The following PLXNA4 variants were observed in gnomAD, a reference collection of about 807,000 sequenced individuals.
PLXNA4 encodes the protein plexin A4, also known as plexin-A4.
PLXNA4 carries 44 observed loss-of-function variants against 191.8 expected under a neutral mutation model. That is an observed-to-expected ratio of 0.23 (90% CI 0.18 to 0.29). The LOEUF (loss-of-function observed/expected upper bound fraction) is 0.29, where lower values mean the gene tolerates loss of function less well. Ranked by LOEUF, PLXNA4 falls within the 10% of genes least tolerant of loss-of-function variation. PLXNA4 has a pLI of 1.00. For missense variants in PLXNA4, 1,800 were observed against 2,488.8 expected, an observed-to-expected ratio of 0.72 and a Z score of 5.89; for synonymous variants, 1,082 against 1,009.5, an observed-to-expected ratio of 1.07 and a Z score of -1.36.
intron 3 of PLXNA4, among the ~76,000 whole-genome samples, chr7:132,360,153 T>C (rs945181695): frequency 6.6e-6 from 1 of 152,194 alleles, no homozygotes; most frequent in Non-Finnish European, 1.5e-5. Context: ...CCGGGACCAT[T>C]GCTATGTACC....
chr7:132,199,736 G>C (rs1797371077), intron 12 of PLXNA4, among the ~76,000 whole-genome samples: 2 of 152,214 alleles, frequency 1.3e-5, no homozygotes, highest in Admixed American at 1.3e-4. Context: ...TGAAAGATGG[G>C]GGAAGCAGAA....
intron 3 of PLXNA4, among the ~76,000 whole-genome samples, chr7:132,412,343 C>T (rs752694280): frequency 6.6e-6 from 1 of 152,220 alleles, no homozygotes; most frequent in African/African-American, 2.4e-5. Flanking sequence ...TCCAAGCATG[C>T]TTCCCATGCT....
intron 4 of PLXNA4, among the ~76,000 whole-genome samples, chr7:132,243,615 G>A (rs572010331): frequency 6.3e-4 from 96 of 152,238 alleles, no homozygotes; most frequent in Middle Eastern, 6.8e-3. Flanking sequence ...GAATGCAAGA[G>A]CCCTCAGAGC....
chr7:132,623,587 A>T (rs1585412237), intron 2 of PLXNA4, among the ~76,000 whole-genome samples: 1 of 152,306 alleles, frequency 6.6e-6, no homozygotes, highest in East Asian at 1.9e-4. Context: ...GTTTTCAAAC[A>T]ATCAAATAAA....
In PLXNA4 at chr7:132,294,368, C is replaced by T. The variant is rs373894672; in HGVS notation, c.1503+3723G>A. On this transcript the variant is annotated intron_variant, in intron 4 of 31. Coordinates refer to ENST00000321063, the MANE Select transcript of PLXNA4 (RefSeq NM_020911.2). Reference sequence around the variant, plus strand: ...CTGCAGACTAGGGGAGCAGGGAGAGCGGGGAGAGCGGCAGGTGATGAGCTT... The same window carrying T: ...CTGCAGACTAGGGGAGCAGGGAGAGTGGGGAGAGCGGCAGGTGATGAGCTT... Among the ~76,000 whole-genome samples, 530 of 152,276 alleles carry T rather than the reference C, an allele frequency of 3.5e-3. 2 individuals are homozygous for T. The highest frequency in any genetic ancestry group is 4.9e-3 in the Non-Finnish European group (331 of 68,018).
intron 4 of PLXNA4, among the ~76,000 whole-genome samples, chr7:132,294,360 A>G (rs28680174): frequency 0.3 from 45,736 of 152,168 alleles, 7,052 homozygotes; most frequent in Admixed American, 0.42. Flanking sequence ...CTAGGGGAGC[A>G]GGGAGAGCGG....
At chr7:132,330,395 T>C (rs1802543963) in intron 3 of PLXNA4, among the ~76,000 whole-genome samples, 1 of 152,082 alleles carries the variant, frequency 6.6e-6, no homozygotes, top group Non-Finnish European at 1.5e-5. Flanking sequence ...TTTCCAGTAA[T>C]CACTGAGTAA....
intron 3 of PLXNA4, among the ~76,000 whole-genome samples, chr7:132,299,372 G>A (rs144140536): frequency 1.3e-5 from 2 of 152,234 alleles, no homozygotes; most frequent in East Asian, 1.9e-4. Context: ...GAATAAAAGA[G>A]TCATTCTGAG....
intron 3 of PLXNA4, among the ~76,000 whole-genome samples, chr7:132,426,206 T>C (rs1327392337): frequency 6.6e-6 from 1 of 152,178 alleles, no homozygotes; most frequent in Admixed American, 6.5e-5. Context: ...GCACAGGGCC[T>C]CCATCATCCT....
At chr7:132,494,058 G>A (rs1221187234) in intron 2 of PLXNA4, among the ~76,000 whole-genome samples, 4 of 152,170 alleles carry the variant, frequency 2.6e-5, no homozygotes, top group African/African-American at 7.2e-5. Flanking sequence ...CTATGGGAGT[G>A]TTCACTCTTG....
At position 132,154,222 on chromosome 7, in the gene PLXNA4, C is replaced by A. The variant is rs191997240; in HGVS notation, c.4660+5251G>T. On this transcript the variant is annotated intron_variant, in intron 25 of 31. Transcript: ENST00000321063. ...AGACAAGATTCTATGGCTCTGCACG[C>A]CTGTCAGCAGGTGAAACCCAAGGAA... Among the ~76,000 whole-genome samples the A allele has an allele frequency of 7.8e-3, 1,185 of 152,260 alleles. 4 individuals are homozygous for A. Among genetic ancestry groups the A allele is most frequent in the Non-Finnish European group, 0.012 (828 of 68,020 alleles).
At chr7:132,595,980 CA>C (rs1802704074) in intron 2 of PLXNA4, among the ~76,000 whole-genome samples, 1 of 152,160 alleles carries the variant, frequency 6.6e-6, no homozygotes, top group Non-Finnish European at 1.5e-5. Flanking sequence ...TATCTAACAT[CA>C]AGTCCCTACT....
In PLXNA4 at chr7:132,576,344, C is replaced by T. The variant is rs1563184120; in HGVS notation, c.-87+78G>A. ...CTGGCTCCGGGACACTGAGGACTCC[C>T]GGGTCGGCCCAGGTCTGTCCGACCT... On this transcript the variant is annotated intron_variant, in intron 1 of 31. Coordinates refer to ENST00000321063, the MANE Select transcript of PLXNA4 (RefSeq NM_020911.2). This position sits in a 1 kb window ranked among gnomAD's most constrained non-coding sequence, Gnocchi z 5.8. 1 of 975,314 alleles carries T rather than the reference C, an allele frequency of 1.0e-6. No homozygotes were observed. The highest frequency in any genetic ancestry group is 4.7e-5 in the South Asian group (1 of 21,070). 60.4% of individuals were successfully genotyped at this position (975,314 alleles called of 1,614,324 possible). A position where few individuals can be genotyped will look rare whatever the true frequency, so the allele number is the denominator to read the frequency against.
At chr7:132,361,780 G>C (rs1298685659) in intron 3 of PLXNA4, among the ~76,000 whole-genome samples, 1 of 152,114 alleles carries the variant, frequency 6.6e-6, no homozygotes, top group Non-Finnish European at 1.5e-5. Context: ...AATTTTGTTT[G>C]CTGGAATTTT....
At chr7:132,538,099 G>C (rs1451904477) in intron 1 of PLXNA4, among the ~76,000 whole-genome samples, 1 of 152,206 alleles carries the variant, frequency 6.6e-6, no homozygotes, top group Admixed American at 6.5e-5. Context: ...TCCTCCCAAT[G>C]CTGCCACCCA....
intron 3 of PLXNA4, among the ~76,000 whole-genome samples, chr7:132,402,460 G>A (rs1213418061): frequency 1.3e-5 from 2 of 152,198 alleles, no homozygotes; most frequent in Non-Finnish European, 2.9e-5. Context: ...TAAATGCCTT[G>A]GAGAACATCT....
intron 1 of PLXNA4, among the ~76,000 whole-genome samples, chr7:132,562,080 T>A (rs1161680757): frequency 9.5e-6 from 1 of 105,670 alleles, no homozygotes; most frequent in Admixed American, 9.7e-5. Flanking sequence ...CTCTTCCTCC[T>A]CCTCTCCCTC....
chr7:132,289,451 G>A (rs933510404), intron 4 of PLXNA4, among the ~76,000 whole-genome samples: 8 of 152,198 alleles, frequency 5.3e-5, no homozygotes, highest in Admixed American at 2.6e-4. Flanking sequence ...TTTCTTCATG[G>A]TTGTATTCCC....
At chr7:132,392,944 A>G (rs1298512959) in intron 3 of PLXNA4, among the ~76,000 whole-genome samples, 2 of 152,194 alleles carry the variant, frequency 1.3e-5, no homozygotes, top group Admixed American at 6.5e-5. Context: ...CAGGCCCTGC[A>G]GCAGAGGACC....
Sources: allele counts gnomAD v4.1 joint callset (sites outside exome capture counted in the v4.1 genomes callset), GRCh38; gene constraint gnomAD v4.1.1; non-coding constraint Gnocchi (gnomAD v3.1); transcripts MANE v1.5; gene names NCBI Gene and HGNC (gene_info 2026-07-23, HGNC 2026-07-21).